Variants in SRRM4 observed in about 807,000 individuals in gnomAD.
SRRM4 encodes serine/arginine repetitive matrix protein 4.
Under a neutral mutation model 68.9 loss-of-function variants are expected in SRRM4, and 33 were observed. That is an observed-to-expected ratio of 0.48 (90% confidence interval 0.36 to 0.64). The LOEUF is 0.64. Ranked by LOEUF, SRRM4 falls within the 30% of genes least tolerant of loss-of-function variation. The pLI is 0.00. For missense variants in SRRM4, 817 were observed against 827.1 expected, an observed-to-expected ratio of 0.99 and a Z score of 0.15; for synonymous variants, 318 against 318.8, an observed-to-expected ratio of 1.00 and a Z score of 0.03.
At chr12:119,103,556 AAGAG>A (rs1342151865) in intron 2 of SRRM4, among the ~76,000 whole-genome samples, 1 of 152,250 alleles carries the variant, frequency 6.6e-6, no homozygotes, top group Non-Finnish European at 1.5e-5. Flanking sequence ...TGCAATTTCA[AAGAG>A]AGAGAAACAG....
At chr12:119,114,112 G>T in intron 2 of SRRM4, 166 bp from the exon 3 acceptor site, 1 of 537,738 alleles carries the variant, frequency 1.9e-6, no homozygotes, top group South Asian at 2.7e-5. Flanking sequence ...CCTTATTTAG[G>T]TACTTAGTCT....
intron 9 of SRRM4, among the ~76,000 whole-genome samples, chr12:119,149,124 T>C (rs1257676162): frequency 6.6e-6 from 1 of 152,094 alleles, no homozygotes; most frequent in African/African-American, 2.4e-5. Flanking sequence ...CCAAGGCAGG[T>C]GGATCACGAG....
chr12:119,003,823 T>C (rs1285132202), intron 1 of SRRM4, among the ~76,000 whole-genome samples: 8 of 152,062 alleles, frequency 5.3e-5, no homozygotes, highest in Admixed American at 5.2e-4. Flanking sequence ...AAAGTTCTCT[T>C]AAGCAAACCA....
chr12:118,995,548 T>A (rs1009110130), intron 1 of SRRM4, among the ~76,000 whole-genome samples: 5 of 152,226 alleles, frequency 3.3e-5, no homozygotes, highest in Non-Finnish European at 7.3e-5. Flanking sequence ...CCCATAGTTC[T>A]ATTTTGGGAC....
chr12:119,074,461 T>C (rs1953896492), intron 1 of SRRM4, among the ~76,000 whole-genome samples: 1 of 152,208 alleles, frequency 6.6e-6, no homozygotes, highest in African/African-American at 2.4e-5. Flanking sequence ...TAAGTGCCTA[T>C]AAGCCTTGTG....
chr12:119,077,505 T>C (rs751519084), intron 1 of SRRM4, among the ~76,000 whole-genome samples: 3 of 152,156 alleles, frequency 2.0e-5, no homozygotes, highest in Non-Finnish European at 2.9e-5. Context: ...ATAACTTCAC[T>C]GAGAGGATTA....
At chr12:119,009,194 A>G (rs1953433961) in intron 1 of SRRM4, among the ~76,000 whole-genome samples, 1 of 152,132 alleles carries the variant, frequency 6.6e-6, no homozygotes, top group African/African-American at 2.4e-5. Flanking sequence ...GCGAGATGCT[A>G]ACAGGAGGGG....
intron 6 of SRRM4, among the ~76,000 whole-genome samples, 200 bp downstream of exon 6, chr12:119,122,320 A>C (rs1011396418): frequency 1.3e-5 from 2 of 148,608 alleles, no homozygotes; most frequent in African/African-American, 2.5e-5. Context: ...GGAAGGAAGG[A>C]AGGAAGGAAG....
At chr12:119,120,201 T>C in intron 4 of SRRM4, 49 bp from the exon 5 acceptor site, 1 of 1,403,802 alleles carries the variant, frequency 7.1e-7, no homozygotes, top group Non-Finnish European at 9.8e-7. Flanking sequence ...TTCTCTGCCT[T>C]TTTTTTCTTT....
rs551667910 is a variant in SRRM4, at chr12:119,161,577, C to T, written c.*4779C>T. The T allele has an allele frequency of 2.6e-5, 4 of 152,174 alleles. No individual in the cohort carries two copies. The highest frequency in any genetic ancestry group is 1.9e-4 in the East Asian group (1 of 5,168). The allele number at this position is 152,174 out of a possible 1,614,324, so 9.4% of individuals were successfully genotyped here. A position where few individuals can be genotyped will look rare whatever the true frequency, so the allele number is the denominator to read the frequency against. On this transcript the variant is annotated 3_prime_UTR_variant, in exon 13 of 13. Transcript: ENST00000267260. ...ACATGGCTTATTTAATAATTTATTTCGTATTTATTGAGTAATATTGGGAAA... is the reference window on the plus strand; with the variant it reads ...ACATGGCTTATTTAATAATTTATTTTGTATTTATTGAGTAATATTGGGAAA...
intron 1 of SRRM4, among the ~76,000 whole-genome samples, chr12:119,045,994 C>T (rs755771514): frequency 6.6e-5 from 10 of 152,014 alleles, no homozygotes; most frequent in Non-Finnish European, 1.5e-4. Context: ...GCTGAGATTG[C>T]TCCACTGCGC....
At chr12:119,103,961 C>A (rs1332588770) in intron 2 of SRRM4, among the ~76,000 whole-genome samples, 1 of 152,180 alleles carries the variant, frequency 6.6e-6, no homozygotes, top group Non-Finnish European at 1.5e-5. Flanking sequence ...CGAGATCGCA[C>A]CACAGCGCTT....
At chr12:119,107,651 G>T (rs1442120567) in intron 2 of SRRM4, among the ~76,000 whole-genome samples, 1 of 152,114 alleles carries the variant, frequency 6.6e-6, no homozygotes, top group Non-Finnish European at 1.5e-5. Flanking sequence ...ATTTCTGTGG[G>T]ATCGGTGGTG....
chr12:119,100,517 A>G (rs1954072326), intron 1 of SRRM4, among the ~76,000 whole-genome samples: 2 of 151,994 alleles, frequency 1.3e-5, no homozygotes, highest in South Asian at 4.2e-4. Flanking sequence ...ACCATTCAAC[A>G]AGCCCTATTT....
intron 1 of SRRM4, among the ~76,000 whole-genome samples, chr12:119,016,676 T>C (rs1008110160): frequency 6.6e-6 from 1 of 152,234 alleles, no homozygotes; most frequent in African/African-American, 2.4e-5. Context: ...CCTTGGCCAC[T>C]GAGTGCCATT....
chr12:119,036,880 G>A (rs976553963), intron 1 of SRRM4: 4 of 152,282 alleles, frequency 2.6e-5, no homozygotes, highest in African/African-American at 7.2e-5. Context: ...CCACCACCCC[G>A]ACTCGTGCTT....
At chr12:119,122,176 C>T in intron 6 of SRRM4, 56 bp downstream of exon 6, 2 of 1,265,824 alleles carry the variant, frequency 1.6e-6, no homozygotes, top group East Asian at 2.3e-5. Context: ...GGGCATCTGG[C>T]TTCTTAAAAG....
chr12:119,012,749 G>A (rs912794392), intron 1 of SRRM4, among the ~76,000 whole-genome samples: 3 of 152,100 alleles, frequency 2.0e-5, no homozygotes, highest in African/African-American at 4.8e-5. Flanking sequence ...ACCCTACAAT[G>A]TTCCTTTATT....
intron 1 of SRRM4, among the ~76,000 whole-genome samples, chr12:119,049,815 C>T (rs949915989): frequency 1.3e-5 from 2 of 152,180 alleles, no homozygotes; most frequent in Admixed American, 6.5e-5. Flanking sequence ...GTCTTTACAT[C>T]ATCTTCTTTT....
Sources: allele counts gnomAD v4.1 joint callset (sites outside exome capture counted in the v4.1 genomes callset), GRCh38; gene constraint gnomAD v4.1.1; transcripts MANE v1.5; gene names NCBI Gene and HGNC (gene_info 2026-07-23, HGNC 2026-07-21).